SH3BGRL: variants seen among roughly 807,000 people sequenced by gnomAD.
SH3BGRL encodes the protein adapter SH3BGRL.
Under a neutral mutation model 9.8 loss-of-function variants are expected in SH3BGRL, and 7 were observed. That is an observed-to-expected ratio of 0.72 (90% CI 0.41 to 1.35). SH3BGRL has a LOEUF of 1.35. Among genes scored for constraint, SH3BGRL ranks in the 40% most tolerant of loss-of-function variants. The probability of loss-of-function intolerance (pLI) is 0.01; values close to 1 mark genes in which losing one functional copy is unlikely to be tolerated. For missense variants in SH3BGRL, 73 were observed against 84.4 expected, an observed-to-expected ratio of 0.86 and a Z score of 0.53; for synonymous variants, 36 against 29.1, an observed-to-expected ratio of 1.24 and a Z score of -0.76.
chrX:81,271,538 A>T lies in SH3BGRL; in HGVS notation c.46-5446A>T, dbSNP rs751520237. Among the ~76,000 whole-genome samples, 116 of 111,885 alleles carry T rather than the reference A, an allele frequency of 1.0e-3. 1 individual carries two copies. Among genetic ancestry groups the T allele is most frequent in the African/African-American group, 3.6e-3 (110 of 30,803 alleles). On this transcript the variant is annotated intron_variant, in intron 1 of 3. Coordinates refer to ENST00000373212, the MANE Select transcript of SH3BGRL (RefSeq NM_003022.3). Reference sequence around the variant, plus strand: ...ATTCTTATTAGACATTTTAACCAAGACTTGTTTCTTGTTGGTAAAGAGAAA... The same window carrying T: ...ATTCTTATTAGACATTTTAACCAAGTCTTGTTTCTTGTTGGTAAAGAGAAA...
intron 3 of SH3BGRL, among the ~76,000 whole-genome samples, chrX:81,280,131 C>A (rs1441751301): frequency 9.0e-6 from 1 of 110,538 alleles, no homozygotes; most frequent in Non-Finnish European, 1.9e-5. Flanking sequence ...ACTCCAGTGA[C>A]CTGGGAATCT....
chrX:81,289,064 G>A (rs989460465), intron 3 of SH3BGRL, among the ~76,000 whole-genome samples: 1 of 111,922 alleles, frequency 8.9e-6, no homozygotes, highest in African/African-American at 3.2e-5. Flanking sequence ...CAAGGTATTG[G>A]CATAAAAACA....
At chrX:81,205,468 A>G (rs1042801395) in intron 1 of SH3BGRL, among the ~76,000 whole-genome samples, 1 of 101,877 alleles carries the variant, frequency 9.8e-6, no homozygotes, top group Non-Finnish European at 2.0e-5. Context: ...GTGTGTATAT[A>G]TAAGTGTGTG....
At chrX:81,261,412 C>T (rs779152479) in intron 1 of SH3BGRL, among the ~76,000 whole-genome samples, 1 of 111,219 alleles carries the variant, frequency 9.0e-6, no homozygotes, top group Non-Finnish European at 1.9e-5. Context: ...AAGACAGTAT[C>T]TGTCTTCCAG....
chrX:81,251,830 A>G (rs890954182), intron 1 of SH3BGRL, among the ~76,000 whole-genome samples: 10 of 112,328 alleles, frequency 8.9e-5, no homozygotes, highest in Non-Finnish European at 1.9e-4. Context: ...AGGATATTTC[A>G]TAGAAACATG....
intron 1 of SH3BGRL, among the ~76,000 whole-genome samples, chrX:81,209,424 A>G (rs988348407): frequency 1.8e-5 from 2 of 111,638 alleles, no homozygotes; most frequent in African/African-American, 6.5e-5. Flanking sequence ...TTACAATAAT[A>G]TTTTAACATA....
At chrX:81,257,251 A>G (rs1048627944) in intron 1 of SH3BGRL, among the ~76,000 whole-genome samples, 12 of 112,110 alleles carry the variant, frequency 1.1e-4, no homozygotes, top group African/African-American at 3.6e-4. Flanking sequence ...CTCTCAACTA[A>G]TAGATGAGGA....
chrX:81,279,186 A>G (rs1259412823), intron 3 of SH3BGRL, among the ~76,000 whole-genome samples: 3 of 112,329 alleles, frequency 2.7e-5, no homozygotes, highest in African/African-American at 9.7e-5. Context: ...TCACTAGACA[A>G]AAATTTACTA....
intron 1 of SH3BGRL, among the ~76,000 whole-genome samples, chrX:81,221,760 A>G (rs980022383): frequency 5.4e-5 from 6 of 112,111 alleles, no homozygotes; most frequent in African/African-American, 1.9e-4. Flanking sequence ...TAAAACAATG[A>G]TATCTAGGTA....
chrX:81,272,964 C>T (rs1283318432), intron 1 of SH3BGRL, among the ~76,000 whole-genome samples: 1 of 111,701 alleles, frequency 9.0e-6, no homozygotes, highest in Non-Finnish European at 1.9e-5. Flanking sequence ...TACACATACA[C>T]ACCATGATTT....
intron 1 of SH3BGRL, among the ~76,000 whole-genome samples, chrX:81,211,764 G>A (rs1405165624): frequency 1.8e-5 from 2 of 111,091 alleles, no homozygotes; most frequent in African/African-American, 3.3e-5. Flanking sequence ...TTTGAACGTC[G>A]GACTTCAAGT....
At chrX:81,246,653 T>G (rs778134306) in intron 1 of SH3BGRL, among the ~76,000 whole-genome samples, 3 of 111,137 alleles carry the variant, frequency 2.7e-5, no homozygotes, top group Non-Finnish European at 5.7e-5. Context: ...CTATTTTTTT[T>G]TTATCTTAGT....
intron 1 of SH3BGRL, among the ~76,000 whole-genome samples, chrX:81,257,632 G>A (rs768906140): frequency 8.9e-6 from 1 of 111,948 alleles, no homozygotes; most frequent in Non-Finnish European, 1.9e-5. Flanking sequence ...GAAAAAGAAA[G>A]ACCCTAGTGT....
intron 1 of SH3BGRL, among the ~76,000 whole-genome samples, chrX:81,244,267 T>G (rs927384930): frequency 2.7e-5 from 3 of 111,622 alleles, no homozygotes; most frequent in Admixed American, 1.9e-4. Context: ...ACAGATTATG[T>G]TCATTTGGGA....
At chrX:81,226,320 C>G (rs2075616489) in intron 1 of SH3BGRL, among the ~76,000 whole-genome samples, 1 of 109,144 alleles carries the variant, frequency 9.2e-6, no homozygotes, top group Non-Finnish European at 1.9e-5. Context: ...TTTTGATTAT[C>G]TGTCTAAAGA....
rs2075879119 is a variant in SH3BGRL at position 81,297,454 on chromosome X, A to C, written c.*227A>C. The C allele has an allele frequency of 3.2e-5, 10 of 314,021 alleles. 1 individual carries two copies. Among genetic ancestry groups the C allele is most frequent in the African/African-American group, 1.1e-4 (4 of 37,082 alleles). 25.9% of individuals were successfully genotyped at this position (314,021 alleles called of 1,213,427 possible). On this transcript the variant is annotated 3_prime_UTR_variant, in exon 4 of 4. Coordinates refer to ENST00000373212, the MANE Select transcript of SH3BGRL (RefSeq NM_003022.3). Reference sequence around the variant, plus strand: ...AACATAAAATTATATTAATAAGTAGATATCGTAGAAATAGTGTTGTTACCT... The same window carrying C: ...AACATAAAATTATATTAATAAGTAGCTATCGTAGAAATAGTGTTGTTACCT...
intron 3 of SH3BGRL, among the ~76,000 whole-genome samples, chrX:81,287,519 T>C (rs1281672589): frequency 8.9e-6 from 1 of 111,796 alleles, no homozygotes; most frequent in Non-Finnish European, 1.9e-5. Flanking sequence ...CCCAATGGCT[T>C]CACTGCTGAA....
chrX:81,209,452 A>T (rs1339201772), intron 1 of SH3BGRL, among the ~76,000 whole-genome samples: 2 of 111,736 alleles, frequency 1.8e-5, no homozygotes, highest in East Asian at 5.6e-4. Flanking sequence ...CTACTATTAG[A>T]TTCATTTTAC....
At chrX:81,244,079 T>C (rs760533034) in intron 1 of SH3BGRL, among the ~76,000 whole-genome samples, 10 of 112,114 alleles carry the variant, frequency 8.9e-5, no homozygotes, top group African/African-American at 3.2e-4. Context: ...TCATCTTTAT[T>C]GAGTTATTTT....
Sources: allele counts gnomAD v4.1 joint callset (sites outside exome capture counted in the v4.1 genomes callset), GRCh38; gene constraint gnomAD v4.1.1; transcripts MANE v1.5; gene names NCBI Gene and HGNC (gene_info 2026-07-23, HGNC 2026-07-21).